The following SGIP1 variants were observed in gnomAD, a reference collection of about 807,000 sequenced individuals.
SGIP1 encodes the protein SH3GL interacting endocytic adaptor 1.
In SGIP1, 38 loss-of-function variants were observed where a neutral mutation model predicts 107.5. The observed-to-expected ratio is 0.35, with a 90% CI of 0.27 to 0.46. The LOEUF (loss-of-function observed/expected upper bound fraction) is 0.46, where lower values mean the gene tolerates loss of function less well. Among genes scored for constraint, SGIP1 ranks in the 20% least tolerant of loss-of-function variants. The pLI is 1.00. For missense variants in SGIP1, 929 were observed against 1,019.5 expected, an observed-to-expected ratio of 0.91 and a Z score of 1.21; for synonymous variants, 365 against 366.1, an observed-to-expected ratio of 1.00 and a Z score of 0.03.
chr1:66,634,820 GA>G (rs2075469394), intron 3 of SGIP1, among the ~76,000 whole-genome samples: 1 of 152,150 alleles, frequency 6.6e-6, no homozygotes, highest in African/African-American at 2.4e-5. Context: ...TTACCATTTA[GA>G]AATGTTCTCC....
intron 1 of SGIP1, among the ~76,000 whole-genome samples, chr1:66,596,911 A>T (rs2148961417): frequency 1.3e-5 from 2 of 152,274 alleles, no homozygotes; most frequent in African/African-American, 4.8e-5. Flanking sequence ...AATAGGAAAG[A>T]CTGCTGCTCA....
intron 1 of SGIP1, chr1:66,590,330 AT>A (rs1180604123): frequency 6.6e-6 from 1 of 152,218 alleles, no homozygotes; most frequent in Non-Finnish European, 1.5e-5. Context: ...CATCTGTTTG[AT>A]TAAGGAAGTC....
intron 2 of SGIP1, among the ~76,000 whole-genome samples, chr1:66,631,051 GAAAGA>G (rs1558136540): frequency 1.0e-4 from 7 of 68,918 alleles, no homozygotes; most frequent in African/African-American, 3.5e-4. Context: ...AAGGAAGAAA[GAAAGA>G]AAGAAAGAAA....
intron 1 of SGIP1, among the ~76,000 whole-genome samples, chr1:66,603,408 T>G (rs903012075): frequency 6.6e-6 from 1 of 152,148 alleles, no homozygotes; most frequent in Non-Finnish European, 1.5e-5. Context: ...AAAGTTAAAT[T>G]TTCATTTTAA....
At chr1:66,631,132 C>T (rs577124734) in intron 2 of SGIP1, among the ~76,000 whole-genome samples, 1 of 151,696 alleles carries the variant, frequency 6.6e-6, no homozygotes, top group South Asian at 2.1e-4. Context: ...TATATAGATA[C>T]AAAAAGAGAA....
At chr1:66,686,843 T>C (rs2150059496) in intron 15 of SGIP1, among the ~76,000 whole-genome samples, 1 of 152,364 alleles carries the variant, frequency 6.6e-6, no homozygotes, top group African/African-American at 2.4e-5. Context: ...GTTAGTTGTA[T>C]TTGTATCAAA....
chr1:66,616,835 C>T (rs1363722105), intron 1 of SGIP1, among the ~76,000 whole-genome samples: 1 of 152,126 alleles, frequency 6.6e-6, no homozygotes, highest in African/African-American at 2.4e-5. Flanking sequence ...TTTTTAGCCC[C>T]TTGAAGTTCA....
At chr1:66,710,905 G>A (rs1043452521) in intron 18 of SGIP1, among the ~76,000 whole-genome samples, 21 of 152,228 alleles carry the variant, frequency 1.4e-4, no homozygotes, top group Admixed American at 1.2e-3. Context: ...GAGACCCTCG[G>A]AATAATGTAT....
chr1:66,691,786 G>C (rs183660975), intron 17 of SGIP1, among the ~76,000 whole-genome samples: 1 of 152,288 alleles, frequency 6.6e-6, no homozygotes, highest in African/African-American at 2.4e-5. Context: ...CACTCAGAAA[G>C]CTGACCCCAA....
rs1056651864 is a variant in SGIP1, at chr1:66,667,559, T to C, written c.483+18T>C. The C allele has an allele frequency of 6.2e-7, 1 of 1,612,944 alleles. No homozygotes were observed. The highest frequency in any genetic ancestry group is 8.5e-7 in the Non-Finnish European group (1 of 1,179,104). The stretch of plus-strand genomic sequence containing the variant: ...GCAGCCCGGTAAGAACTCTCAACAT[T>C]TTTACCTTAAACATGTATAGAGAAA... On this transcript the variant is annotated intron_variant, in intron 9 of 24. Coordinates refer to ENST00000371037, the MANE Select transcript of SGIP1 (RefSeq NM_032291.4).
At position 66,685,067 on chromosome 1, in the gene SGIP1, G is replaced by A. The variant is rs558693487; in HGVS notation, c.1315+2698G>A. 1.4e-3 allele frequency among the ~76,000 whole-genome samples: 209 copies of A among 152,288 alleles called. 2 individuals are homozygous for A. In the South Asian group the frequency reaches 0.042, roughly 31 times the overall value. The stretch of plus-strand genomic sequence containing the variant: ...TTATTGGTGGAACATATACAAGCTG[G>A]AAGAAATATAAATTTAAGATTGAAA... On this transcript the variant is annotated intron_variant, in intron 15 of 24. Coordinates refer to ENST00000371037, the MANE Select transcript of SGIP1 (RefSeq NM_032291.4).
rs1557495513 is a variant in SGIP1 at position 66,659,954 on chromosome 1, G to GAAAGAA, written c.460-557_460-552dup. Among the ~76,000 whole-genome samples, 2 of 16,412 alleles carry GAAAGAA rather than the reference G, an allele frequency of 1.2e-4. 1 individual carries two copies. Among genetic ancestry groups the GAAAGAA allele is most frequent in the Non-Finnish European group, 2.3e-4 (2 of 8,878 alleles). The allele number at this position is 16,412 out of a possible 152,430, so 10.8% of individuals were successfully genotyped here. ...AGAGAGAAAGAAAAAGAAAGAAAAAGAAAGAAAGAAAGAAAGAAAGAAAGA... is the reference window on the plus strand; with the variant it reads ...AGAGAGAAAGAAAAAGAAAGAAAAAGAAAGAAAAAGAAAGAAAGAAAGAAAGAAAGA... On this transcript the variant is annotated intron_variant, in intron 7 of 24. Transcript: ENST00000371037.
intron 17 of SGIP1, chr1:66,694,648 T>A: frequency 1.9e-6 from 1 of 528,422 alleles, no homozygotes; most frequent in Non-Finnish European, 3.0e-6. Flanking sequence ...TATTTACTGT[T>A]CATCATGGAA....
chr1:66,596,317 G>A (rs1360360180), intron 1 of SGIP1, among the ~76,000 whole-genome samples: 1 of 145,304 alleles, frequency 6.9e-6, no homozygotes, highest in Non-Finnish European at 1.5e-5. Context: ...GCAGAGAGGG[G>A]ATGCAGGGTG....
chr1:66,621,309 G>C (rs1474186635), intron 1 of SGIP1, among the ~76,000 whole-genome samples: 1 of 152,188 alleles, frequency 6.6e-6, no homozygotes, highest in Non-Finnish European at 1.5e-5. Flanking sequence ...ACCAAAAGCA[G>C]TAACATGTGC....
At chr1:66,592,969 C>A (rs11810644) in intron 1 of SGIP1, among the ~76,000 whole-genome samples, 7,026 of 128,922 alleles carry the variant, frequency 0.054, 556 homozygotes, top group African/African-American at 0.18. Flanking sequence ...ATCTCGAACT[C>A]CTGGATTCAA....
intron 1 of SGIP1, among the ~76,000 whole-genome samples, chr1:66,540,394 T>A (rs2054638559): frequency 6.6e-6 from 1 of 152,190 alleles, no homozygotes; most frequent in South Asian, 2.1e-4. Context: ...ATGCTTTTTT[T>A]CTTTTCTCTC....
chr1:66,631,402 C>A (rs983065820), intron 2 of SGIP1, among the ~76,000 whole-genome samples: 4 of 152,120 alleles, frequency 2.6e-5, no homozygotes, highest in Non-Finnish European at 5.9e-5. Context: ...CAGGTAATGT[C>A]CAAAAGTCTC....
intron 7 of SGIP1, among the ~76,000 whole-genome samples, chr1:66,659,079 C>A (rs1400605170): frequency 6.6e-6 from 1 of 152,098 alleles, no homozygotes; most frequent in Non-Finnish European, 1.5e-5. Context: ...GAGCCCATCA[C>A]CAAAGCATTA....
Sources: allele counts gnomAD v4.1 joint callset (sites outside exome capture counted in the v4.1 genomes callset), GRCh38; gene constraint gnomAD v4.1.1; transcripts MANE v1.5; gene names NCBI Gene and HGNC (gene_info 2026-07-23, HGNC 2026-07-21).